VPS8: variants seen among roughly 807,000 people sequenced by gnomAD.
The protein encoded by VPS8 is VPS8 subunit of CORVET complex.
Under a neutral mutation model 216.4 loss-of-function variants are expected in VPS8, and 129 were observed. That is an observed-to-expected ratio of 0.60 (90% CI 0.52 to 0.69). VPS8 has a LOEUF of 0.69. VPS8 is among the 30% of genes least tolerant of loss of function. The pLI, the probability that VPS8 is intolerant of heterozygous loss-of-function variation, is 0.00. For synonymous variants in VPS8, 571 were observed against 565.4 expected (o/e 1.01, Z -0.14); for missense variants, 1,531 against 1,683.5 (o/e 0.91, Z 1.59).
intron 40 of VPS8, 74 bp downstream of exon 40, chr3:184,971,826 G>A (rs1201231279): frequency 4.7e-6 from 6 of 1,284,164 alleles, no homozygotes; most frequent in Non-Finnish European, 6.6e-6. Context: ...TGTAATCCCA[G>A]CACTTTGGGA....
chr3:185,039,734 A>T (rs1028114379), intron 46 of VPS8, among the ~76,000 whole-genome samples: 1 of 152,090 alleles, frequency 6.6e-6, no homozygotes, highest in Admixed American at 6.5e-5. Context: ...TTATCTCTGC[A>T]TGCTACCTCA....
intron 21 of VPS8, 81 bp from the exon 22 acceptor site, chr3:184,886,029 C>T (rs778013912): frequency 1.0e-5 from 15 of 1,450,618 alleles, no homozygotes; most frequent in Non-Finnish European, 1.4e-5. Context: ...AATCTAAAAG[C>T]ATCTTAAGCA....
intron 1 of VPS8, among the ~76,000 whole-genome samples, chr3:184,813,496 G>A (rs1194776682): frequency 6.6e-6 from 1 of 152,120 alleles, no homozygotes; most frequent in Non-Finnish European, 1.5e-5. Flanking sequence ...GTTTGCTCAT[G>A]GTTAAATTTA....
intron 42 of VPS8, among the ~76,000 whole-genome samples, chr3:184,989,223 A>G (rs975414379): frequency 1.3e-5 from 2 of 152,212 alleles, no homozygotes; most frequent in African/African-American, 4.8e-5. Context: ...CTCACCATTA[A>G]GTATGATGTT....
intron 43 of VPS8, among the ~76,000 whole-genome samples, chr3:184,994,725 A>G (rs188199974): frequency 5.9e-5 from 9 of 152,380 alleles, no homozygotes; most frequent in Non-Finnish European, 8.8e-5. Flanking sequence ...ATAAAATTAA[A>G]TGAGTATTAT....
At chr3:185,001,923 A>G (rs1308320045) in intron 45 of VPS8, among the ~76,000 whole-genome samples, 2 of 152,256 alleles carry the variant, frequency 1.3e-5, no homozygotes, top group Non-Finnish European at 2.9e-5. Context: ...CAGATGAACT[A>G]TGCTGTAAGT....
At chr3:184,892,212 G>T (rs1450402200) in intron 22 of VPS8, among the ~76,000 whole-genome samples, 1 of 152,046 alleles carries the variant, frequency 6.6e-6, no homozygotes, top group Non-Finnish European at 1.5e-5. Context: ...ACAAATTTTT[G>T]TATGTACTTG....
intron 7 of VPS8, among the ~76,000 whole-genome samples, chr3:184,840,748 GT>G (rs1177961298): frequency 6.6e-6 from 1 of 151,640 alleles, no homozygotes; most frequent in Non-Finnish European, 1.5e-5. Context: ...AAAACTATTA[GT>G]TTTTTTGGGG....
At chr3:184,853,832 C>A (rs750759982) in intron 11 of VPS8, 25 bp from the exon 12 acceptor site, 26 of 1,553,170 alleles carry the variant, frequency 1.7e-5, no homozygotes, top group Non-Finnish European at 2.3e-5. Context: ...TAAATTGATT[C>A]TGAATTTTCA....
chr3:184,943,961 G>T (rs1246550940), intron 36 of VPS8, among the ~76,000 whole-genome samples: 1 of 152,112 alleles, frequency 6.6e-6, no homozygotes, highest in Non-Finnish European at 1.5e-5. Flanking sequence ...AATTAGCCGG[G>T]CGTGGTCACG....
Position 184,848,039 on chromosome 3 carries a change from A to G in VPS8, c.542-1032A>G, listed in dbSNP as rs551551562. Among the ~76,000 whole-genome samples, 4 of 152,058 alleles carry G rather than the reference A, an allele frequency of 2.6e-5. No homozygotes were observed. In the East Asian group the frequency reaches 5.8e-4, roughly 22 times the overall value. ...GCAATTCTCCTGCCTCAGCCTCCCA[A>G]GTAGCTAGGATTACAGGTGCCCACC... On this transcript the variant is annotated intron_variant, in intron 8 of 47. Coordinates refer to ENST00000625842, the MANE Select transcript of VPS8 (RefSeq NM_001009921.3).
At chr3:184,821,659 G>A (rs1026955273) in intron 1 of VPS8, among the ~76,000 whole-genome samples, 5 of 151,890 alleles carry the variant, frequency 3.3e-5, no homozygotes, top group South Asian at 2.1e-4. Flanking sequence ...CCTCTACTTC[G>A]TTTTTTTAGA....
intron 6 of VPS8, 92 bp downstream of exon 6, chr3:184,838,838 T>C: frequency 1.0e-6 from 1 of 998,842 alleles, no homozygotes; most frequent in Non-Finnish European, 1.4e-6. Flanking sequence ...CTACATAAGT[T>C]GTTATGGTAA....
chr3:184,917,783 T>C (rs1306947654), intron 28 of VPS8, among the ~76,000 whole-genome samples: 2 of 152,228 alleles, frequency 1.3e-5, no homozygotes, highest in South Asian at 2.1e-4. Flanking sequence ...TTTTATACTT[T>C]AAAAAGATTC....
At chr3:185,035,303 G>A (rs988747507) in intron 46 of VPS8, among the ~76,000 whole-genome samples, 20 of 152,064 alleles carry the variant, frequency 1.3e-4, no homozygotes, top group Admixed American at 1.1e-3. Context: ...GAGACACGAT[G>A]TAGAAAGAAA....
chr3:185,040,252 G>A (rs1053358388), intron 46 of VPS8, among the ~76,000 whole-genome samples: 9 of 152,300 alleles, frequency 5.9e-5, no homozygotes, highest in African/African-American at 1.7e-4. Context: ...TCCTCAGGCT[G>A]TTGTGCTAGA....
chr3:184,942,640 G>A (rs950023574), intron 36 of VPS8, among the ~76,000 whole-genome samples: 1 of 152,004 alleles, frequency 6.6e-6, no homozygotes, highest in African/African-American at 2.4e-5. Context: ...ATCAAAGACC[G>A]CGTGTTCTGC....
chr3:184,915,008 C>T lies in VPS8; in HGVS notation c.2217C>T (p.Pro739=), dbSNP rs372356519. The change falls in exon 27 of 48, where the codon CCC becomes CCT. Residue 739 remains proline (P), a synonymous_variant. Coordinates refer to ENST00000625842, the MANE Select transcript of VPS8 (RefSeq NM_001009921.3). The part of the protein sequence containing the change: ...ISCCLAGRAY[P]LGDIPEDLVP... ...GTTGTCTAGCAGGTCGTGCCTATCC[C>T]CTTGGTGACATCCCTGAAGATCTGG... The T allele has an allele frequency of 6.2e-7, 1 of 1,613,862 alleles. No homozygotes were observed. The highest frequency in any genetic ancestry group is 1.3e-5 in the African/African-American group (1 of 74,906).
chr3:185,041,596 T>C (rs1280554014), intron 46 of VPS8, among the ~76,000 whole-genome samples: 1 of 152,196 alleles, frequency 6.6e-6, no homozygotes, highest in Non-Finnish European at 1.5e-5. Context: ...CTTCCCAAAA[T>C]ACATGGCAGT....
Sources: gnomAD v4.1 joint callset for allele counts (sites outside exome capture counted in the v4.1 genomes callset) on GRCh38, gnomAD v4.1.1 for gene constraint, MANE v1.5 for transcripts, NCBI Gene and HGNC (gene_info 2026-07-23, HGNC 2026-07-21) for gene names.